Variants in SLC24A3 observed in about 807,000 individuals in gnomAD.
SLC24A3 encodes solute carrier family 24 member 3.
SLC24A3 carries 28 observed loss-of-function variants against 75.8 expected under a neutral mutation model. That is an observed-to-expected ratio of 0.37 (90% CI 0.27 to 0.51). The LOEUF is 0.51. Among genes scored for constraint, SLC24A3 ranks in the 20% least tolerant of loss-of-function variants. The probability of loss-of-function intolerance (pLI) is 0.94; values close to 1 mark genes in which losing one functional copy is unlikely to be tolerated. For missense variants in SLC24A3, 663 were observed against 847.8 expected, an observed-to-expected ratio of 0.78 and a Z score of 2.71; for synonymous variants, 372 against 334.1, an observed-to-expected ratio of 1.11 and a Z score of -1.24.
At chr20:19,214,965 A>G (rs1455916907) in intron 1 of SLC24A3, among the ~76,000 whole-genome samples, 1 of 152,180 alleles carries the variant, frequency 6.6e-6, no homozygotes, top group African/African-American at 2.4e-5. Context: ...GTTAAGGAGG[A>G]TGCCAGCCAG....
intron 2 of SLC24A3, among the ~76,000 whole-genome samples, chr20:19,429,886 A>G (rs890334678): frequency 3.9e-5 from 6 of 152,156 alleles, no homozygotes; most frequent in African/African-American, 1.4e-4. Flanking sequence ...CCTCACAATA[A>G]ATCTCTCATT....
intron 2 of SLC24A3, among the ~76,000 whole-genome samples, chr20:19,321,704 T>C (rs1378617019): frequency 6.6e-6 from 1 of 152,256 alleles, no homozygotes; most frequent in East Asian, 1.9e-4. Flanking sequence ...TGTAAAGTTT[T>C]GTATAGTTAC....
chr20:19,333,865 A>G (rs1283002016), intron 2 of SLC24A3, among the ~76,000 whole-genome samples: 1 of 152,096 alleles, frequency 6.6e-6, no homozygotes, highest in African/African-American at 2.4e-5. Context: ...ATGTAGCCAT[A>G]AGGTTCTTAA....
intron 1 of SLC24A3, among the ~76,000 whole-genome samples, chr20:19,247,168 A>G (rs1392275732): frequency 2.6e-5 from 4 of 152,202 alleles, no homozygotes; most frequent in Admixed American, 6.6e-5. Flanking sequence ...TCATGAATAG[A>G]AAAGTACATA....
intron 2 of SLC24A3, among the ~76,000 whole-genome samples, chr20:19,451,866 G>C (rs1051807360): frequency 6.6e-6 from 1 of 152,252 alleles, no homozygotes; most frequent in Non-Finnish European, 1.5e-5. Context: ...CTTGGTCTCT[G>C]TTTTTTTCCC....
chr20:19,520,960 A>G (rs1021394770), intron 3 of SLC24A3, among the ~76,000 whole-genome samples: 4 of 152,176 alleles, frequency 2.6e-5, no homozygotes, highest in Non-Finnish European at 5.9e-5. Flanking sequence ...AGCCTTTGAT[A>G]TAGAAGTGAT....
chr20:19,575,346 G>A (rs776013243), intron 3 of SLC24A3, among the ~76,000 whole-genome samples: 1 of 151,504 alleles, frequency 6.6e-6, no homozygotes, highest in African/African-American at 2.4e-5. Context: ...GAGAGCCCAT[G>A]CTTGGGAGGG....
chr20:19,462,329 G>T (rs1193263657), intron 2 of SLC24A3, among the ~76,000 whole-genome samples: 1 of 151,186 alleles, frequency 6.6e-6, no homozygotes, highest in Non-Finnish European at 1.5e-5. Flanking sequence ...GCACGATCTC[G>T]GCTCACTGCA....
At chr20:19,432,884 T>C (rs753718919) in intron 2 of SLC24A3, among the ~76,000 whole-genome samples, 5 of 152,248 alleles carry the variant, frequency 3.3e-5, no homozygotes, top group Non-Finnish European at 7.3e-5. Flanking sequence ...CTGCTTTTTA[T>C]TTTTGCCTAG....
intron 2 of SLC24A3, among the ~76,000 whole-genome samples, chr20:19,437,557 A>G (rs1987226917): frequency 6.6e-6 from 1 of 152,214 alleles, no homozygotes; most frequent in African/African-American, 2.4e-5. Context: ...CAGAGCAAGA[A>G]GTGCTGGGGC....
intron 2 of SLC24A3, among the ~76,000 whole-genome samples, chr20:19,292,418 C>T (rs1198222664): frequency 3.3e-5 from 5 of 152,270 alleles, no homozygotes; most frequent in African/African-American, 1.2e-4. Context: ...ACTACAAAAA[C>T]CCAGGCGGAA....
chr20:19,531,419 C>T (rs1600268618), intron 3 of SLC24A3, among the ~76,000 whole-genome samples: 2 of 152,334 alleles, frequency 1.3e-5, no homozygotes, highest in African/African-American at 2.4e-5. Flanking sequence ...AGTTGTTTTG[C>T]TCCTGGGCCA....
chr20:19,673,233 T>G (rs2032488939), intron 8 of SLC24A3, among the ~76,000 whole-genome samples: 1 of 152,154 alleles, frequency 6.6e-6, no homozygotes. Flanking sequence ...TTCCTCTAAT[T>G]TTAGTTTCCC....
Position 19,654,633 on chromosome 20 carries a change from A to G in SLC24A3, c.687+497A>G, listed in dbSNP as rs2032244604. ...ATGCCCCAACTCAACATGTCCCTAA[A>G]TAGAATCCTTTTTTTTTTTTTTTTT... On this transcript the variant is annotated intron_variant, in intron 7 of 16. Transcript: ENST00000328041. Among the ~76,000 whole-genome samples, 5 of 149,334 alleles carry G rather than the reference A, an allele frequency of 3.3e-5. No individual in the cohort carries two copies. The South Asian group carries it at 1.1e-3, about 32-fold the overall frequency.
chr20:19,274,774 A>G (rs1210804155), intron 1 of SLC24A3, among the ~76,000 whole-genome samples: 1 of 152,194 alleles, frequency 6.6e-6, no homozygotes, highest in Non-Finnish European at 1.5e-5. Context: ...TGCTCACTCA[A>G]GTCTGCAGAA....
chr20:19,643,291 C>T (rs1432349026), intron 6 of SLC24A3, among the ~76,000 whole-genome samples: 1 of 152,186 alleles, frequency 6.6e-6, no homozygotes, highest in Non-Finnish European at 1.5e-5. Flanking sequence ...GCCAGATTAG[C>T]TCCTGATACT....
At chr20:19,546,507 A>G (rs1293711458) in intron 3 of SLC24A3, among the ~76,000 whole-genome samples, 1 of 151,982 alleles carries the variant, frequency 6.6e-6, no homozygotes, top group Admixed American at 6.6e-5. Context: ...TGCTCCCTGA[A>G]CCCCATCACC....
chr20:19,524,117 G>A (rs1372498916), intron 3 of SLC24A3, among the ~76,000 whole-genome samples: 1 of 152,098 alleles, frequency 6.6e-6, no homozygotes, highest in Non-Finnish European at 1.5e-5. Context: ...AGCCCTCGCT[G>A]TCTGCCCCAG....
chr20:19,247,046 G>T (rs1183208723), intron 1 of SLC24A3, among the ~76,000 whole-genome samples: 1 of 152,226 alleles, frequency 6.6e-6, no homozygotes, highest in East Asian at 1.9e-4. Context: ...GAAAGTAAAA[G>T]CATTTCAACA....
Sources: gnomAD v4.1 joint callset for allele counts (sites outside exome capture counted in the v4.1 genomes callset) on GRCh38, gnomAD v4.1.1 for gene constraint, MANE v1.5 for transcripts, NCBI Gene and HGNC (gene_info 2026-07-23, HGNC 2026-07-21) for gene names.